Variants in RGS6 observed in about 807,000 individuals in gnomAD.
RGS6 encodes the protein regulator of G protein signaling 6.
A neutral mutation model predicts 78.5 loss-of-function variants in RGS6; 30 were observed. The ratio of observed to expected loss-of-function variants is 0.38; its 90% CI spans 0.29 to 0.52. The LOEUF (loss-of-function observed/expected upper bound fraction) is 0.52. Ranked by LOEUF, RGS6 falls within the 20% of genes least tolerant of loss-of-function variation. RGS6 has a pLI of 0.85. For synonymous variants in RGS6, 206 were observed against 206.0 expected, an observed-to-expected ratio of 1.00 and a Z score of 0.00; for missense variants, 495 against 609.7, an observed-to-expected ratio of 0.81 and a Z score of 1.98.
rs546969895 is a variant in RGS6, at chr14:72,027,837, A to G, written c.84+62962A>G. Among the ~76,000 whole-genome samples the G allele has an allele frequency of 1.6e-4, 24 of 152,326 alleles. 1 individual carries two copies. The highest frequency in any genetic ancestry group is 1.5e-3 in the South Asian group (7 of 4,826). Reference sequence around the variant, plus strand: ...TTTCTTACAGAAAGCGGTAGATGCCAACCAGAAGACTGGAATAGGCTTCCT... The same window carrying G: ...TTTCTTACAGAAAGCGGTAGATGCCGACCAGAAGACTGGAATAGGCTTCCT... On this transcript the variant is annotated intron_variant, in intron 2 of 17. Coordinates refer to ENST00000553525, the MANE Select transcript of RGS6 (RefSeq NM_001204424.2).
At chr14:72,494,793 G>A (rs922256231) in intron 12 of RGS6, among the ~76,000 whole-genome samples, 3 of 152,146 alleles carry the variant, frequency 2.0e-5, no homozygotes, top group Middle Eastern at 3.2e-3. Flanking sequence ...CAGATGCCTC[G>A]AGAATCAGTC....
intron 2 of RGS6, among the ~76,000 whole-genome samples, chr14:72,017,137 G>A (rs1339187022): frequency 6.6e-6 from 1 of 152,010 alleles, no homozygotes; most frequent in Non-Finnish European, 1.5e-5. Context: ...GGGCTCAAGT[G>A]ACCCTTGTGC....
At chr14:72,332,086 G>A (rs566025803) in intron 2 of RGS6, among the ~76,000 whole-genome samples, 72 of 152,292 alleles carry the variant, frequency 4.7e-4, no homozygotes, top group African/African-American at 1.7e-3. Context: ...GCTAGACACT[G>A]TTGAGCCCAA....
At chr14:72,326,984 G>A (rs1022164940) in intron 2 of RGS6, among the ~76,000 whole-genome samples, 1 of 152,196 alleles carries the variant, frequency 6.6e-6, no homozygotes, top group African/African-American at 2.4e-5. Flanking sequence ...TGGGATTACA[G>A]GTGTGAGCCG....
chr14:72,326,937 G>T (rs7146177), intron 2 of RGS6, among the ~76,000 whole-genome samples: 1 of 151,980 alleles, frequency 6.6e-6, no homozygotes, highest in Non-Finnish European at 1.5e-5. Context: ...TCAATCTCCT[G>T]ACCTCGTGAT....
intron 2 of RGS6, among the ~76,000 whole-genome samples, chr14:72,060,371 C>CTT (rs34086688): frequency 0.68 from 93,137 of 136,754 alleles, 31,847 homozygotes; most frequent in East Asian, 0.82. Context: ...CCCCTCCCAC[C>CTT]TTTTTTTTTT....
intron 2 of RGS6, among the ~76,000 whole-genome samples, chr14:72,296,140 T>C (rs1479087976): frequency 1.3e-5 from 2 of 152,236 alleles, no homozygotes. Context: ...CTACTTTGTT[T>C]CACTTAGCAT....
chr14:72,409,926 T>G (rs145160617), intron 3 of RGS6, among the ~76,000 whole-genome samples: 31,171 of 152,024 alleles, frequency 0.21, 3,722 homozygotes, highest in East Asian at 0.35. Flanking sequence ...GTATTCCATG[T>G]TGTATATGTG....
intron 3 of RGS6, among the ~76,000 whole-genome samples, chr14:72,361,164 C>T (rs2081384922): frequency 6.7e-6 from 1 of 148,722 alleles, no homozygotes; most frequent in Non-Finnish European, 1.5e-5. Context: ...AATACAGTGA[C>T]CTTCTTAGGA....
intron 2 of RGS6, among the ~76,000 whole-genome samples, chr14:72,126,005 G>A (rs1453712454): frequency 6.6e-6 from 1 of 152,156 alleles, no homozygotes; most frequent in African/African-American, 2.4e-5. Context: ...TAGGTTTTAA[G>A]ATCAACTAGA....
intron 2 of RGS6, among the ~76,000 whole-genome samples, chr14:72,130,084 C>T (rs2096282834): frequency 6.6e-6 from 1 of 152,098 alleles, no homozygotes; most frequent in Non-Finnish European, 1.5e-5. Context: ...TGGGAGAACC[C>T]CCAGGTTTGG....
At chr14:72,469,954 T>C in intron 7 of RGS6, 53 bp from the exon 8 acceptor site, 1 of 1,280,834 alleles carries the variant, frequency 7.8e-7, no homozygotes, top group Non-Finnish European at 1.1e-6. Context: ...TAGGTGTCGA[T>C]GTGCTAATTT....
chr14:72,464,485 G>T (rs1247312602), intron 6 of RGS6, among the ~76,000 whole-genome samples: 1 of 152,168 alleles, frequency 6.6e-6, no homozygotes, highest in Non-Finnish European at 1.5e-5. Context: ...AATGTCATAG[G>T]TATCAGTAAA....
chr14:72,446,658 T>A (rs550698989), intron 3 of RGS6, among the ~76,000 whole-genome samples: 2 of 152,336 alleles, frequency 1.3e-5, no homozygotes, highest in African/African-American at 4.8e-5. Context: ...CATTATAACA[T>A]ATAAGGAAAT....
At chr14:71,973,100 G>C (rs945319692) in intron 2 of RGS6, among the ~76,000 whole-genome samples, 27 of 152,140 alleles carry the variant, frequency 1.8e-4, no homozygotes, top group Non-Finnish European at 2.9e-5. Context: ...CCTACTTTTT[G>C]TTAAGTCTAG....
intron 3 of RGS6, among the ~76,000 whole-genome samples, chr14:72,362,082 A>G (rs1439000740): frequency 1.3e-5 from 2 of 152,182 alleles, no homozygotes; most frequent in East Asian, 3.8e-4. Flanking sequence ...TGGTGAGTTT[A>G]TGACTTGAGT....
chr14:72,368,804 T>C (rs772249660), intron 3 of RGS6, among the ~76,000 whole-genome samples: 5 of 152,232 alleles, frequency 3.3e-5, no homozygotes, highest in African/African-American at 4.8e-5. Context: ...ATTTGTTGGA[T>C]GCATGTAGAG....
chr14:72,296,381 G>C (rs1360854954), intron 2 of RGS6, among the ~76,000 whole-genome samples: 1 of 152,136 alleles, frequency 6.6e-6, no homozygotes. Context: ...TGAGTGATAA[G>C]AGTGATGCAT....
At chr14:72,194,203 T>C (rs1049411266) in intron 2 of RGS6, among the ~76,000 whole-genome samples, 2 of 152,078 alleles carry the variant, frequency 1.3e-5, no homozygotes, top group Admixed American at 6.6e-5. Context: ...CTGTACCAGT[T>C]GTGGGCTAGG....
Sources: allele counts gnomAD v4.1 joint callset (sites outside exome capture counted in the v4.1 genomes callset), GRCh38; gene constraint gnomAD v4.1.1; transcripts MANE v1.5; gene names NCBI Gene and HGNC (gene_info 2026-07-23, HGNC 2026-07-21).